The following THSD7A variants were observed in gnomAD, a reference collection of about 807,000 sequenced individuals.
THSD7A encodes the protein thrombospondin type-1 domain-containing protein 7A.
In THSD7A, 96 loss-of-function variants were observed where a neutral mutation model predicts 231.3. That is an observed-to-expected ratio of 0.41 (90% CI 0.35 to 0.49). THSD7A has a LOEUF of 0.49. THSD7A is among the 20% of genes least tolerant of loss of function. The pLI, the probability that THSD7A is intolerant of heterozygous loss-of-function variation, is 0.05. For synonymous variants in THSD7A, 940 were observed against 743.3 expected (o/e 1.26, Z -4.30); for missense variants, 2,290 against 2,070.2 (o/e 1.11, Z -2.06).
intron 1 of THSD7A, among the ~76,000 whole-genome samples, chr7:11,667,092 G>C (rs1202817536): frequency 6.6e-6 from 1 of 151,952 alleles, no homozygotes; most frequent in Non-Finnish European, 1.5e-5. Flanking sequence ...GGTACAGGTG[G>C]TTTTTGATTA....
At chr7:11,736,811 C>T (rs1193062897) in intron 1 of THSD7A, among the ~76,000 whole-genome samples, 1 of 151,966 alleles carries the variant, frequency 6.6e-6, no homozygotes, top group Non-Finnish European at 1.5e-5. Flanking sequence ...CATGGCCCCA[C>T]CCAAATCTCA....
At chr7:11,586,921 A>G (rs947456466) in intron 4 of THSD7A, among the ~76,000 whole-genome samples, 2 of 152,010 alleles carry the variant, frequency 1.3e-5, no homozygotes, top group African/African-American at 4.8e-5. Flanking sequence ...ATAACCCTCA[A>G]TCCCACAGAC....
intron 9 of THSD7A, among the ~76,000 whole-genome samples, chr7:11,466,963 T>C (rs1234908697): frequency 6.6e-6 from 1 of 152,036 alleles, no homozygotes; most frequent in East Asian, 1.9e-4. Context: ...CTCCAGGTCA[T>C]TCATCATCAC....
chr7:11,387,227 GT>G (rs1480329372), intron 23 of THSD7A, among the ~76,000 whole-genome samples: 1 of 152,048 alleles, frequency 6.6e-6, no homozygotes, highest in African/African-American at 2.4e-5. Context: ...ACTTAAAGTA[GT>G]TTTTTTCTAA....
At chr7:11,711,643 T>C (rs1392378202) in intron 1 of THSD7A, among the ~76,000 whole-genome samples, 1 of 151,122 alleles carries the variant, frequency 6.6e-6, no homozygotes, top group Non-Finnish European at 1.5e-5. Context: ...GTACTAAGCA[T>C]GGCAATGTTT....
chr7:11,529,236 G>A (rs2128318773), intron 6 of THSD7A, among the ~76,000 whole-genome samples: 1 of 152,130 alleles, frequency 6.6e-6, no homozygotes, highest in South Asian at 2.1e-4. Flanking sequence ...TAAAACAGGT[G>A]AAATAATTTT....
chr7:11,401,763 T>C (rs749890207), intron 23 of THSD7A, 32 bp downstream of exon 23: 1 of 1,553,178 alleles, frequency 6.4e-7, no homozygotes, highest in Non-Finnish European at 8.7e-7. Flanking sequence ...ATGCTTTTGC[T>C]TAAGATAGAG....
At chr7:11,506,539 A>G (rs1787551843) in intron 6 of THSD7A, among the ~76,000 whole-genome samples, 1 of 152,166 alleles carries the variant, frequency 6.6e-6, no homozygotes. Flanking sequence ...TCAGATCACA[A>G]CATTCTCTGT....
At chr7:11,383,247 A>G (rs1362160733) in intron 23 of THSD7A, among the ~76,000 whole-genome samples, 2 of 152,066 alleles carry the variant, frequency 1.3e-5, no homozygotes, top group Non-Finnish European at 2.9e-5. Flanking sequence ...TCTGAAACTT[A>G]GTCAATGTTA....
At chr7:11,481,657 A>G (rs1786428567) in intron 7 of THSD7A, 131 bp downstream of exon 7, 2 of 909,228 alleles carry the variant, frequency 2.2e-6, no homozygotes, top group African/African-American at 3.4e-5. Flanking sequence ...ACATCAACAG[A>G]TATTAAATCT....
At chr7:11,538,040 G>C (rs1788986913) in intron 6 of THSD7A, among the ~76,000 whole-genome samples, 1 of 152,178 alleles carries the variant, frequency 6.6e-6, no homozygotes, top group African/African-American at 2.4e-5. Flanking sequence ...TAATAGCTGG[G>C]TAATGCTGAG....
chr7:11,695,671 T>C (rs1340956998), intron 1 of THSD7A, among the ~76,000 whole-genome samples: 1 of 151,456 alleles, frequency 6.6e-6, no homozygotes, highest in Non-Finnish European at 1.5e-5. Context: ...TATGGAAAAC[T>C]AAACGGAGTA....
chr7:11,601,997 T>A (rs528497861), intron 2 of THSD7A, among the ~76,000 whole-genome samples: 1 of 152,132 alleles, frequency 6.6e-6, no homozygotes, highest in African/African-American at 2.4e-5. Flanking sequence ...TGGCTATAAA[T>A]CTGTTTGTTA....
chr7:11,422,483 T>C (rs943935197), intron 16 of THSD7A, among the ~76,000 whole-genome samples: 4 of 151,382 alleles, frequency 2.6e-5, no homozygotes, highest in African/African-American at 9.7e-5. Flanking sequence ...TCGCAATCAA[T>C]ACTGACCTCT....
chr7:11,413,361 C>T (rs574525588), intron 17 of THSD7A, among the ~76,000 whole-genome samples: 12 of 152,052 alleles, frequency 7.9e-5, no homozygotes, highest in Non-Finnish European at 1.5e-4. Flanking sequence ...ATAGGGACCA[C>T]AGAGAAACCT....
chr7:11,567,801 G>T (rs1790427904), intron 4 of THSD7A, among the ~76,000 whole-genome samples: 1 of 152,082 alleles, frequency 6.6e-6, no homozygotes, highest in Admixed American at 6.5e-5. Context: ...TGCATATTTT[G>T]ACCCTAGCTC....
At chr7:11,391,015 T>G (rs1782959350) in intron 23 of THSD7A, among the ~76,000 whole-genome samples, 1 of 152,088 alleles carries the variant, frequency 6.6e-6, no homozygotes, top group African/African-American at 2.4e-5. Flanking sequence ...GAGCTCTCCT[T>G]TATGAAGTGT....
Position 11,739,572 on chromosome 7 carries a change from A to AT in THSD7A, c.190+92184dup, listed in dbSNP as rs1562519699. 3.3e-5 allele frequency among the ~76,000 whole-genome samples: 5 copies of AT among 151,586 alleles called. 1 individual carries two copies. The South Asian group carries it at 6.3e-4, about 19-fold the overall frequency. Reference sequence around the variant, plus strand: ...AAACATCATCATCTCTTTCTTTAAAATTTTTTTTTAAATTTGTATTTTTTT... The same window carrying AT: ...AAACATCATCATCTCTTTCTTTAAAATTTTTTTTTTAAATTTGTATTTTTTT... On this transcript the variant is annotated intron_variant, in intron 1 of 27. Coordinates refer to ENST00000423059, the MANE Select transcript of THSD7A (RefSeq NM_015204.3).
chr7:11,713,604 T>C (rs914032705), intron 1 of THSD7A, among the ~76,000 whole-genome samples: 1 of 151,170 alleles, frequency 6.6e-6, no homozygotes, highest in Admixed American at 6.6e-5. Context: ...AGCAATTGTA[T>C]ATGTACCTGA....
Sources: allele counts gnomAD v4.1 joint callset (sites outside exome capture counted in the v4.1 genomes callset), GRCh38; gene constraint gnomAD v4.1.1; transcripts MANE v1.5; gene names NCBI Gene and HGNC (gene_info 2026-07-23, HGNC 2026-07-21).